Variants in PTN observed in about 807,000 individuals in gnomAD.
The protein encoded by PTN is pleiotrophin, also known as heparin affin regulatory protein.
In PTN, 18 loss-of-function variants were observed where a neutral mutation model predicts 24.1. The ratio of observed to expected loss-of-function variants is 0.75; its 90% CI spans 0.52 to 1.11. The LOEUF (loss-of-function observed/expected upper bound fraction) is 1.11. Ranked by LOEUF, PTN falls within the 50% of genes least tolerant of loss-of-function variation. The probability of loss-of-function intolerance (pLI) is 0.00; values close to 1 mark genes in which losing one functional copy is unlikely to be tolerated. For synonymous variants in PTN, 78 were observed against 68.6 expected (o/e 1.14, Z -0.67); for missense variants, 163 against 198.8 (o/e 0.82, Z 1.08).
intron 1 of PTN, among the ~76,000 whole-genome samples, chr7:137,303,534 T>C (rs1047611978): frequency 6.6e-6 from 1 of 151,990 alleles, no homozygotes; most frequent in African/African-American, 2.4e-5. Context: ...TAAATTTTTT[T>C]CTGTTCATCA....
At chr7:137,279,628 G>A (rs1809432733) in intron 1 of PTN, among the ~76,000 whole-genome samples, 1 of 152,094 alleles carries the variant, frequency 6.6e-6, no homozygotes, top group Non-Finnish European at 1.5e-5. Context: ...GAGAAAAATT[G>A]GAAATAAATA....
At chr7:137,252,883 G>A (rs952369384) in intron 3 of PTN, among the ~76,000 whole-genome samples, 1 of 149,062 alleles carries the variant, frequency 6.7e-6, no homozygotes, top group African/African-American at 2.6e-5. Context: ...TTTATGAAAC[G>A]TGGCTGTGAG....
At chr7:137,323,223 C>T (rs1810193974) in intron 1 of PTN, among the ~76,000 whole-genome samples, 1 of 152,150 alleles carries the variant, frequency 6.6e-6, no homozygotes, top group South Asian at 2.1e-4. Flanking sequence ...ATAACAGATT[C>T]ACAGTGACCA....
chr7:137,245,089 C>T (rs1808700062), intron 4 of PTN, among the ~76,000 whole-genome samples: 2 of 152,182 alleles, frequency 1.3e-5, no homozygotes, highest in Non-Finnish European at 2.9e-5. Flanking sequence ...ATGATTTTCA[C>T]ACTGAAACCA....
At chr7:137,333,390 C>G (rs1446418221) in intron 1 of PTN, among the ~76,000 whole-genome samples, 1 of 152,178 alleles carries the variant, frequency 6.6e-6, no homozygotes, top group South Asian at 2.1e-4. Flanking sequence ...TTTGTTCTAG[C>G]CTGAGTGAAG....
intron 1 of PTN, among the ~76,000 whole-genome samples, chr7:137,314,056 C>G (rs1810028391): frequency 1.3e-5 from 2 of 152,124 alleles, no homozygotes; most frequent in Admixed American, 1.3e-4. Context: ...ATATTTTCAT[C>G]TATAATTCTA....
intron 1 of PTN, among the ~76,000 whole-genome samples, chr7:137,319,024 A>G (rs1001290918): frequency 2.0e-5 from 3 of 152,090 alleles, no homozygotes; most frequent in Admixed American, 2.0e-4. Flanking sequence ...TGATCCATCT[A>G]TCTTTCTCTC....
chr7:137,305,033 C>T (rs1425843713), intron 1 of PTN, among the ~76,000 whole-genome samples: 2 of 151,998 alleles, frequency 1.3e-5, no homozygotes, highest in African/African-American at 4.8e-5. Context: ...CAGAACCAAA[C>T]CACAACATAA....
intron 1 of PTN, among the ~76,000 whole-genome samples, chr7:137,291,928 C>T (rs143472560): frequency 1.3e-5 from 2 of 152,222 alleles, no homozygotes; most frequent in Non-Finnish European, 2.9e-5. Context: ...AGGGTTTCAA[C>T]CACTCACCTT....
At chr7:137,324,433 A>AATATATATATATATATAT (rs71176396) in intron 1 of PTN, among the ~76,000 whole-genome samples, 3 of 88,738 alleles carry the variant, frequency 3.4e-5, no homozygotes, top group African/African-American at 2.1e-4. Flanking sequence ...AAAAAAAAAA[A>AATATATATATATATATAT]ATATATATAT....
intron 4 of PTN, among the ~76,000 whole-genome samples, chr7:137,237,916 G>T (rs1233769325): frequency 6.6e-6 from 1 of 152,088 alleles, no homozygotes; most frequent in Non-Finnish European, 1.5e-5. Context: ...ATTTTTGAAA[G>T]CCTAGCAAGA....
intron 1 of PTN, among the ~76,000 whole-genome samples, chr7:137,316,797 C>A (rs1292036437): frequency 1.3e-5 from 2 of 152,098 alleles, no homozygotes; most frequent in Non-Finnish European, 2.9e-5. Flanking sequence ...GTTTGGTGAG[C>A]ATCATAAATC....
chr7:137,272,367 G>A (rs1209035933), intron 1 of PTN, among the ~76,000 whole-genome samples: 1 of 152,206 alleles, frequency 6.6e-6, no homozygotes, highest in Non-Finnish European at 1.5e-5. Context: ...GCTATCCTGT[G>A]TGATTAGAAA....
intron 1 of PTN, among the ~76,000 whole-genome samples, chr7:137,314,624 G>A (rs951547431): frequency 8.2e-5 from 5 of 61,316 alleles, no homozygotes; most frequent in African/African-American, 1.3e-4. Flanking sequence ...AGAGAGTCTC[G>A]CCCTCTCGCC....
chr7:137,306,403 A>G (rs902012976), intron 1 of PTN, among the ~76,000 whole-genome samples: 2 of 152,038 alleles, frequency 1.3e-5, no homozygotes, highest in Admixed American at 6.6e-5. Flanking sequence ...ATAAAGGAGG[A>G]GTGTTTTTCC....
rs1222821081 is a variant in PTN at position 137,301,082 on chromosome 7, T to C, written c.-2+42357A>G. Among the ~76,000 whole-genome samples the C allele has an allele frequency of 6.6e-5, 10 of 151,968 alleles. No homozygotes were observed. The East Asian group carries it at 1.7e-3, about 26-fold the overall frequency. ...CTAGAGATAAAATGTATAAAGAGTA[T>C]AGTACAGTATTTAGTAAAATGTAGC... On this transcript the variant is annotated intron_variant, in intron 1 of 4. Coordinates refer to ENST00000348225, the MANE Select transcript of PTN (RefSeq NM_002825.7).
At chr7:137,262,183 T>G (rs1398997880) in intron 1 of PTN, among the ~76,000 whole-genome samples, 1 of 152,170 alleles carries the variant, frequency 6.6e-6, no homozygotes, top group African/African-American at 2.4e-5. Context: ...TGTTTTTCAT[T>G]TTGGTTAAAT....
intron 4 of PTN, among the ~76,000 whole-genome samples, chr7:137,232,445 T>C (rs73452932): frequency 0.015 from 2,352 of 152,044 alleles, 57 homozygotes; most frequent in African/African-American, 0.053. Context: ...TGTATTTTTG[T>C]AACTTTGTGG....
chr7:137,273,480 C>T (rs1409705581), intron 1 of PTN, among the ~76,000 whole-genome samples: 1 of 152,060 alleles, frequency 6.6e-6, no homozygotes, highest in African/African-American at 2.4e-5. Flanking sequence ...TGGCTGAAGT[C>T]GAAGGGACAA....
Sources: allele counts gnomAD v4.1 joint callset (sites outside exome capture counted in the v4.1 genomes callset), GRCh38; gene constraint gnomAD v4.1.1; transcripts MANE v1.5; gene names NCBI Gene and HGNC (gene_info 2026-07-23, HGNC 2026-07-21).